The following DAB1 variants were observed in gnomAD, a reference collection of about 807,000 sequenced individuals.
DAB1 encodes DAB adaptor protein 1.
Under a neutral mutation model 64.6 loss-of-function variants are expected in DAB1, and 15 were observed. The ratio of observed to expected loss-of-function variants is 0.23; its 90% confidence interval spans 0.16 to 0.36. The LOEUF (loss-of-function observed/expected upper bound fraction) is 0.36, where lower values mean the gene tolerates loss of function less well. Ranked by LOEUF, DAB1 falls within the 10% of genes least tolerant of loss-of-function variation. The pLI is 1.00. For missense variants in DAB1, 596 were observed against 706.7 expected (o/e 0.84, Z 1.78); for synonymous variants, 235 against 251.9 (o/e 0.93, Z 0.64).
intron 5 of DAB1, among the ~76,000 whole-genome samples, chr1:57,989,347 T>C (rs191583998): frequency 1.3e-5 from 2 of 152,226 alleles, no homozygotes; most frequent in Admixed American, 6.5e-5. Flanking sequence ...AGAAAACACA[T>C]GAAATACTCA....
intron 11 of DAB1, among the ~76,000 whole-genome samples, chr1:57,018,234 G>A (rs1052014325): frequency 6.6e-6 from 1 of 152,116 alleles, no homozygotes; most frequent in Non-Finnish European, 1.5e-5. Flanking sequence ...CACTATTTTG[G>A]AAAATGGCAG....
intron 4 of DAB1, among the ~76,000 whole-genome samples, chr1:58,180,207 T>C (rs190264799): frequency 0.011 from 1,718 of 151,572 alleles, 21 homozygotes; most frequent in Middle Eastern, 0.02. Context: ...TGAATTGCTA[T>C]TATTTTTCTA....
chr1:57,020,046 C>T (rs908931996), intron 11 of DAB1, among the ~76,000 whole-genome samples: 5 of 152,150 alleles, frequency 3.3e-5, no homozygotes, highest in Admixed American at 1.3e-4. Context: ...TTCAAAAATA[C>T]CTCCACTAGG....
At chr1:57,289,380 T>C (rs1672584741) in intron 2 of DAB1, among the ~76,000 whole-genome samples, 1 of 152,360 alleles carries the variant, frequency 6.6e-6, no homozygotes, top group Non-Finnish European at 1.5e-5. Flanking sequence ...TTCTAGTACA[T>C]ACTGGGCTCT....
At chr1:58,161,722 T>C (rs1416352581) in intron 4 of DAB1, among the ~76,000 whole-genome samples, 1 of 152,134 alleles carries the variant, frequency 6.6e-6, no homozygotes, top group East Asian at 1.9e-4. Flanking sequence ...AAAACTGAGG[T>C]TCACTAACTT....
chr1:57,606,376 C>CTATATATATATA (rs58167700), intron 7 of DAB1, among the ~76,000 whole-genome samples: 1,984 of 117,882 alleles, frequency 0.017, 44 homozygotes, highest in African/African-American at 0.039. Flanking sequence ...CATTCTAATC[C>CTATATATATATA]TATATATATA....
At chr1:58,385,893 G>A (rs934062980) in intron 3 of DAB1, among the ~76,000 whole-genome samples, 18 of 152,228 alleles carry the variant, frequency 1.2e-4, no homozygotes, top group Admixed American at 2.0e-4. Context: ...AGGATTCCTC[G>A]TATGCCACCA....
intron 5 of DAB1, among the ~76,000 whole-genome samples, chr1:58,113,249 A>G (rs771859398): frequency 1.3e-5 from 2 of 152,104 alleles, no homozygotes; most frequent in Non-Finnish European, 2.9e-5. Flanking sequence ...GATGGGCAGG[A>G]TTCTGGCCAG....
chr1:58,216,093 C>G (rs1658835698), intron 4 of DAB1, among the ~76,000 whole-genome samples: 3 of 152,126 alleles, frequency 2.0e-5, no homozygotes, highest in Admixed American at 2.0e-4. Context: ...AGGTTTGTTA[C>G]ATAGGTATAC....
chr1:57,948,721 T>C (rs1212444735), intron 5 of DAB1, among the ~76,000 whole-genome samples: 3 of 152,196 alleles, frequency 2.0e-5, no homozygotes, highest in South Asian at 4.1e-4. Flanking sequence ...GGGAAGGATA[T>C]GTTCTCTCTT....
intron 3 of DAB1, among the ~76,000 whole-genome samples, chr1:58,377,178 C>T (rs1054849793): frequency 1.1e-4 from 17 of 151,018 alleles, no homozygotes; most frequent in African/African-American, 4.2e-4. Flanking sequence ...AGTCCATTTA[C>T]AATTAAAATT....
At chr1:58,144,346 T>C (rs574340624) in intron 5 of DAB1, among the ~76,000 whole-genome samples, 1 of 152,218 alleles carries the variant, frequency 6.6e-6, no homozygotes, top group African/African-American at 2.4e-5. Context: ...TCAACAGTCC[T>C]TTCTTTCTTA....
At chr1:57,326,444 G>T (rs542923556) in intron 1 of DAB1, among the ~76,000 whole-genome samples, 2 of 152,254 alleles carry the variant, frequency 1.3e-5, no homozygotes, top group African/African-American at 4.8e-5. Context: ...CTGAAAGAGG[G>T]TATTAAACAC....
intron 1 of DAB1, among the ~76,000 whole-genome samples, chr1:57,869,854 T>C (rs1279392073): frequency 6.6e-6 from 1 of 152,156 alleles, no homozygotes; most frequent in African/African-American, 2.4e-5. Context: ...GAGAAGTACA[T>C]GGAAACCTAA....
chr1:58,501,637 A>T (rs1471891301), intron 3 of DAB1, among the ~76,000 whole-genome samples: 1 of 152,144 alleles, frequency 6.6e-6, no homozygotes, highest in East Asian at 1.9e-4. Flanking sequence ...ATCTGTGTTC[A>T]AGTGTCAGCT....
chr1:57,887,554 T>C (rs965444019), upstream of DAB1, among the ~76,000 whole-genome samples: 26 of 152,296 alleles, frequency 1.7e-4, no homozygotes, highest in Admixed American at 1.3e-3. Flanking sequence ...AAGGAAGTAG[T>C]TGCATTCCTA....
chr1:57,096,615 C>T (rs1015642901), intron 4 of DAB1, among the ~76,000 whole-genome samples: 1 of 152,162 alleles, frequency 6.6e-6, no homozygotes, highest in Non-Finnish European at 1.5e-5. Context: ...GTCAGCTCCT[C>T]TCAGGTGCCT....
chr1:57,321,991 TCACTGG>T (rs1193001990), intron 1 of DAB1, among the ~76,000 whole-genome samples: 1 of 152,238 alleles, frequency 6.6e-6, no homozygotes, highest in Non-Finnish European at 1.5e-5. Flanking sequence ...TGGATGGCTC[TCACTGG>T]CACAAAGTCT....
At chr1:57,177,251 G>T (rs919406582) in intron 2 of DAB1, among the ~76,000 whole-genome samples, 2 of 151,946 alleles carry the variant, frequency 1.3e-5, no homozygotes, top group African/African-American at 4.8e-5. Context: ...AAATTTTATT[G>T]TTCTTTGTTA....
Sources: allele counts gnomAD v4.1 joint callset (sites outside exome capture counted in the v4.1 genomes callset), GRCh38; gene constraint gnomAD v4.1.1; transcripts MANE v1.5; gene names NCBI Gene and HGNC (gene_info 2026-07-23, HGNC 2026-07-21).